NR1D2: variants seen among roughly 807,000 people sequenced by gnomAD.
NR1D2 encodes V-erbA-related protein 1-related.
In NR1D2, 25 loss-of-function variants were observed where a neutral mutation model predicts 52.2. That is an observed-to-expected ratio of 0.48 (90% CI 0.35 to 0.67). The LOEUF is 0.67. Among genes scored for constraint, NR1D2 ranks in the 30% least tolerant of loss-of-function variants. The pLI, the probability that NR1D2 is intolerant of heterozygous loss-of-function variation, is 0.01. For synonymous variants in NR1D2, 259 were observed against 230.1 expected (o/e 1.13, Z -1.14); for missense variants, 681 against 707.2 (o/e 0.96, Z 0.42).
chr3:23,946,200 C>T, intron 1 of NR1D2: 1 of 985,386 alleles, frequency 1.0e-6, no homozygotes, highest in Non-Finnish European at 1.2e-6. Flanking sequence ...GGGGCGTCCC[C>T]GAAGCGGGCG....
chr3:23,962,315 C>T lies in NR1D2; in HGVS notation c.856C>T (p.Arg286Trp), dbSNP rs768518229. Residue 286 changes from arginine to tryptophan, a missense_variant, in exon 5 of 8, where the codon CGG becomes TGG. Around this residue, in one of 3 missense-constraint regions of NR1D2, gnomAD observed 475 missense variants for 454.5 expected, o/e 1.05. Coordinates refer to ENST00000312521, the MANE Select transcript of NR1D2 (RefSeq NM_005126.5). ...AESMQPQRGE[R>W]IPKNMEQYNL... ...GAGCATGCAGCCCCAGAGAGGAGAA[C>T]GGATTCCCAAGAACATGGAGCAATA... The T allele has an allele frequency of 3.1e-6, 5 of 1,614,158 alleles. No homozygotes were observed. In the Admixed American group the frequency reaches 5.0e-5, roughly 16 times the overall value.
In NR1D2 at chr3:23,978,893, C is replaced by T. The variant is rs1457944047; in HGVS notation, c.*1474C>T. 1 of 152,016 alleles carries T rather than the reference C, an allele frequency of 6.6e-6. No homozygotes were observed. The highest frequency in any genetic ancestry group is 2.4e-5 in the African/African-American group (1 of 41,394). 9.4% of individuals were successfully genotyped at this position (152,016 alleles called of 1,614,324 possible). A position where few individuals can be genotyped will look rare whatever the true frequency, so the allele number is the denominator to read the frequency against. On this transcript the variant is annotated 3_prime_UTR_variant, in exon 8 of 8. Coordinates refer to ENST00000312521, the MANE Select transcript of NR1D2 (RefSeq NM_005126.5). ...GTGGACTTGATTAAGTAGATAAGAT[C>T]AGCATCTGTTTATGGTAGTAGGAGA...
chr3:23,945,991 C>A, intron 1 of NR1D2: 1 of 566,430 alleles, frequency 1.8e-6, no homozygotes, highest in Non-Finnish European at 2.2e-6. Context: ...GGCTCCCTGA[C>A]CCACATTCCC....
intron 1 of NR1D2, among the ~76,000 whole-genome samples, chr3:23,947,788 C>T (rs1265087989): frequency 2.7e-5 from 4 of 150,798 alleles, no homozygotes; most frequent in Non-Finnish European, 5.9e-5. Flanking sequence ...TTTACAGTTT[C>T]TGCTATCTAT....
intron 6 of NR1D2, among the ~76,000 whole-genome samples, chr3:23,966,675 G>C (rs1575156818): frequency 6.6e-6 from 1 of 152,210 alleles, no homozygotes; most frequent in African/African-American, 2.4e-5. Flanking sequence ...TGAGTGGCTA[G>C]AATTTCTTTT....
chr3:23,968,398 A>G (rs1330432998), intron 7 of NR1D2, among the ~76,000 whole-genome samples: 5 of 152,238 alleles, frequency 3.3e-5, no homozygotes, highest in Admixed American at 2.0e-4. Flanking sequence ...GGGTTACTTG[A>G]AAACATTAAA....
At chr3:23,965,235 CT>C (rs371267256) in intron 6 of NR1D2, 73 bp downstream of exon 6, 36,999 of 305,572 alleles carry the variant, frequency 0.12, 10 homozygotes, top group Middle Eastern at 0.14. Context: ...TGTTTTAATT[CT>C]TTTTTTTTTT....
At position 23,962,141 on chromosome 3, in the gene NR1D2, C is replaced by T; in HGVS notation, c.682C>T (p.Arg228Ter). Residue 228 changes from arginine (R) to a stop codon, truncating the protein, a stop_gained, in exon 5 of 8, where the codon CGA becomes TGA. Coordinates refer to ENST00000312521, the MANE Select transcript of NR1D2 (RefSeq NM_005126.5). LOFTEE classifies it high-confidence loss of function. Reference sequence around the variant, plus strand: ...AGCCTTGCCAGCCCAGGAACAGCTGCGACCCAAGCCCCAACTGGAGCAAGA... The same window carrying T: ...AGCCTTGCCAGCCCAGGAACAGCTGTGACCCAAGCCCCAACTGGAGCAAGA... ...QTALPAQEQLRPKPQLEQENI... is the reference protein window; with the variant it reads ...QTALPAQEQL The T allele has an allele frequency of 6.2e-7, 1 of 1,614,130 alleles. No homozygotes were observed. Among genetic ancestry groups the T allele is most frequent in the Non-Finnish European group, 8.5e-7 (1 of 1,180,010 alleles).
chr3:23,946,058 G>GCCGCAGCCTCCCGGGAGGCT, intron 1 of NR1D2: 1 of 975,082 alleles, frequency 1.0e-6, no homozygotes, highest in Non-Finnish European at 1.2e-6. Context: ...GGCTGGGAGC[G>GCCGCAGCCTCCCGGGAGGCT]CCGCAGCCTC....
chr3:23,973,222 G>A (rs765606297), intron 7 of NR1D2, among the ~76,000 whole-genome samples: 1 of 152,074 alleles, frequency 6.6e-6, no homozygotes, highest in Non-Finnish European at 1.5e-5. Context: ...GTCATGCGTC[G>A]CTTAATGACG....
At chr3:23,954,969 G>A (rs973490713) in intron 2 of NR1D2, among the ~76,000 whole-genome samples, 166 bp downstream of exon 2, 1 of 152,218 alleles carries the variant, frequency 6.6e-6, no homozygotes, top group African/African-American at 2.4e-5. Context: ...GATGATAGAA[G>A]TTATAACCTA....
chr3:23,967,835 C>G lies in NR1D2; in HGVS notation c.1355C>G (p.Ser452Ter). The G allele has an allele frequency of 6.2e-7, 1 of 1,613,646 alleles. No homozygotes were observed. The highest frequency in any genetic ancestry group is 8.5e-7 in the Non-Finnish European group (1 of 1,179,864). ...TFEVLMVRFA[S>*]LFDAKERTVT... ...CAGGTTTTAATGGTACGGTTCGCATCATTATTTGATGCAAAGGAACGTACT... is the reference window on the plus strand; with the variant it reads ...CAGGTTTTAATGGTACGGTTCGCATGATTATTTGATGCAAAGGAACGTACT... Residue 452 changes from serine (S) to a stop codon, truncating the protein, a stop_gained, in exon 7 of 8, where the codon TCA becomes TGA. Transcript: ENST00000312521. LOFTEE classifies it high-confidence loss of function.
Position 23,967,976 on chromosome 3 carries a change from G to C in NR1D2, c.1496G>C (p.Ser499Thr). ...GAGAAGCTAAATGCCCTCCAACTTA[G>C]TGATGAAGAGATGAGTTTGTTTACA... ...FSEKLNALQL[S>T]DEEMSLFTAV... The change falls in exon 7 of 8, where the codon AGT becomes ACT. Residue 499 changes from serine to threonine, a missense_variant. By Grantham distance (58) the Ser-to-Thr change is moderately conservative. Transcript: ENST00000312521. 6.2e-7 allele frequency: 1 copy of C among 1,614,182 alleles called. No individual in the cohort carries two copies. The highest frequency in any genetic ancestry group is 8.5e-7 in the Non-Finnish European group (1 of 1,180,024).
At chr3:23,965,691 A>T (rs1257790289) in intron 6 of NR1D2, among the ~76,000 whole-genome samples, 1 of 151,956 alleles carries the variant, frequency 6.6e-6, no homozygotes, top group Admixed American at 6.6e-5. Context: ...TATATTTTTT[A>T]CTTATTATTT....
intron 7 of NR1D2, among the ~76,000 whole-genome samples, chr3:23,974,141 C>CATGCCTG (rs1054605739): frequency 1.5e-4 from 18 of 122,380 alleles, no homozygotes; most frequent in South Asian, 2.8e-4. Flanking sequence ...CGAGGTGGCT[C>CATGCCTG]ATGCCTGTAA....
intron 2 of NR1D2, 151 bp downstream of exon 2, chr3:23,954,954 G>T: frequency 1.4e-6 from 1 of 714,220 alleles, no homozygotes; most frequent in Non-Finnish European, 2.3e-6. Flanking sequence ...GAAGAAATCA[G>T]TGATGATGAT....
At chr3:23,964,462 A>G (rs1706386511) in intron 5 of NR1D2, among the ~76,000 whole-genome samples, 1 of 152,190 alleles carries the variant, frequency 6.6e-6, no homozygotes, top group Non-Finnish European at 1.5e-5. Flanking sequence ...CTACCTATAT[A>G]GAAATAAAGG....
In NR1D2 at chr3:23,978,696, A is replaced by C. The variant is rs944354138; in HGVS notation, c.*1277A>C. On this transcript the variant is annotated 3_prime_UTR_variant, in exon 8 of 8. Coordinates refer to ENST00000312521, the MANE Select transcript of NR1D2 (RefSeq NM_005126.5). ...TAAAGCAACTGTTTAATATGATGGC[A>C]TGTGTGTGTGTGCGTGCGTGTGTAT... The C allele has an allele frequency of 5.9e-5, 9 of 151,978 alleles. No individual in the cohort carries two copies. Among genetic ancestry groups the C allele is most frequent in the African/African-American group, 2.2e-4 (9 of 41,518 alleles). The allele number at this position is 151,978 out of a possible 1,614,324, so 9.4% of individuals were successfully genotyped here.
rs1318310581 is a variant in NR1D2, at chr3:23,954,062, A to G, written c.17-475A>G. On this transcript the variant is annotated intron_variant, in intron 1 of 7. Coordinates refer to ENST00000312521, the MANE Select transcript of NR1D2 (RefSeq NM_005126.5). ...TGTCTCCAGGCTAGAGTGCAGTAGC[A>G]TGATCATGGCTCACTACAGCCTTGA... Among the ~76,000 whole-genome samples, 3 of 152,192 alleles carry G rather than the reference A, an allele frequency of 2.0e-5. No individual in the cohort carries two copies. In the South Asian group the frequency reaches 6.2e-4, roughly 31 times the overall value.
Sources: allele counts gnomAD v4.1 joint callset (sites outside exome capture counted in the v4.1 genomes callset), GRCh38; gene constraint gnomAD v4.1.1; regional missense constraint gnomAD v4.1.1; transcripts MANE v1.5; gene names NCBI Gene and HGNC (gene_info 2026-07-23, HGNC 2026-07-21).